The following GPRC6A variants were observed in gnomAD, a reference collection of about 807,000 sequenced individuals.
GPRC6A encodes the protein G protein-coupled receptor class C group 6 member A.
Under a neutral mutation model 47.0 loss-of-function variants are expected in GPRC6A, and 54 were observed. That is an observed-to-expected ratio of 1.15 (90% CI 0.92 to 1.44). The LOEUF is 1.44. Ranked by LOEUF, GPRC6A falls within the 40% of genes most tolerant of loss-of-function variation. The pLI is 0.00. For synonymous variants in GPRC6A, 347 were observed against 377.1 expected (o/e 0.92, Z 0.93); for missense variants, 1,112 against 1,105.5 (o/e 1.01, Z -0.08).
At chr6:116,813,136 A>G (rs1319365785) in intron 1 of GPRC6A, among the ~76,000 whole-genome samples, 2 of 152,246 alleles carry the variant, frequency 1.3e-5, no homozygotes, top group Non-Finnish European at 2.9e-5. Flanking sequence ...AGAATATTCC[A>G]TGCTCATGGA....
intron 3 of GPRC6A, among the ~76,000 whole-genome samples, chr6:116,804,429 T>C (rs1298548354): frequency 6.6e-6 from 1 of 152,124 alleles, no homozygotes; most frequent in Non-Finnish European, 1.5e-5. Flanking sequence ...AATGTATCAT[T>C]GACTAGGGAC....
chr6:116,818,596 C>G (rs1367253142), intron 1 of GPRC6A, among the ~76,000 whole-genome samples: 2 of 131,010 alleles, frequency 1.5e-5, no homozygotes, highest in Admixed American at 1.6e-4. Flanking sequence ...AATTTCATAT[C>G]CAGCCAAACT....
At chr6:116,817,831 A>G (rs1017429186) in intron 1 of GPRC6A, among the ~76,000 whole-genome samples, 22 of 152,164 alleles carry the variant, frequency 1.4e-4, no homozygotes, top group Non-Finnish European at 2.6e-4. Flanking sequence ...AGGTTAGAGA[A>G]AAAAGAATAA....
At chr6:116,821,278 T>C (rs1359433304) in intron 1 of GPRC6A, among the ~76,000 whole-genome samples, 1 of 152,074 alleles carries the variant, frequency 6.6e-6, no homozygotes, top group Non-Finnish European at 1.5e-5. Context: ...AAAATGGCCA[T>C]ACTGCCCAAG....
chr6:116,823,121 TCTAACACA>T (rs1456429417), intron 1 of GPRC6A, among the ~76,000 whole-genome samples: 1 of 152,118 alleles, frequency 6.6e-6, no homozygotes, highest in Non-Finnish European at 1.5e-5. Context: ...TTTTGTTTTT[TCTAACACA>T]TGGCTGGGCT....
intron 1 of GPRC6A, among the ~76,000 whole-genome samples, chr6:116,818,631 A>T (rs1293450508): frequency 4.6e-5 from 7 of 150,808 alleles, no homozygotes; most frequent in Non-Finnish European, 8.9e-5. Context: ...AAGGAGAAAT[A>T]AAATACTTTA....
intron 1 of GPRC6A, among the ~76,000 whole-genome samples, chr6:116,826,380 T>C (rs972966294): frequency 6.6e-6 from 1 of 151,694 alleles, no homozygotes; most frequent in Non-Finnish European, 1.5e-5. Context: ...TCAAAGAACA[T>C]GAACAGATGA....
Position 116,805,362 on chromosome 6 carries a change from T to TA in GPRC6A, c.1335+1007dup, listed in dbSNP as rs140512359. The stretch of plus-strand genomic sequence containing the variant: ...ATATGGTAGTTTTGGGTGTTTAAAG[T>TA]AAAAAAAAAAATGACAAAAGTAGAA... On this transcript the variant is annotated intron_variant, in intron 3 of 5. Coordinates refer to ENST00000310357, the MANE Select transcript of GPRC6A (RefSeq NM_148963.4). Among the ~76,000 whole-genome samples the TA allele has an allele frequency of 7.9e-3, 1,155 of 145,922 alleles. 12 individuals are homozygous for TA. Among genetic ancestry groups the TA allele is most frequent in the Non-Finnish European group, 0.013 (824 of 65,756 alleles).
At position 116,793,165 on chromosome 6, in the gene GPRC6A, A is replaced by T. The variant is rs556347073; in HGVS notation, c.1758T>A (p.Tyr586Ter). 31 of 1,613,356 alleles carry T rather than the reference A, an allele frequency of 1.9e-5. No individual in the cohort carries two copies. The Admixed American group carries it at 4.8e-4, about 25-fold the overall frequency. ...STMCFEKEVE[Y>*]LNWNDSLAIL... ...TGGCCAAGGAGTCATTCCAGTTGAG[A>T]TATTCCACTTCCTTTTCAAAGCACA... Residue 586 changes from tyrosine (Y) to a stop codon, truncating the protein, a stop_gained, in exon 6 of 6, where the codon TAT (tyrosine) becomes TAA (stop). Coordinates refer to ENST00000310357, the MANE Select transcript of GPRC6A (RefSeq NM_148963.4). LOFTEE classifies it low-confidence loss of function (END_TRUNC).
rs779563383 is a variant in GPRC6A, at chr6:116,809,446, G to A, written c.366C>T (p.Cys122=). 8.1e-6 allele frequency: 13 copies of A among 1,613,626 alleles called. No homozygotes were observed. The highest frequency in any genetic ancestry group is 2.7e-5 in the African/African-American group (2 of 74,892). ...ACTTAAACTCCACAGTTTCTCTGGA[G>A]CAGTTGAATTTAGAAAGAAACCTCA... ...ATLRFLSKFN[C]SRETVEFKCD... Residue 122 remains cysteine, a synonymous_variant, in exon 2 of 6, where the codon TGC becomes TGT. Transcript: ENST00000310357.
intron 3 of GPRC6A, 97 bp from the exon 4 acceptor site, chr6:116,800,893 A>C (rs1772655422): frequency 4.3e-6 from 3 of 704,864 alleles, no homozygotes; most frequent in Non-Finnish European, 7.1e-6. Flanking sequence ...CATATCACTT[A>C]AAAATGAGGG....
At chr6:116,817,297 C>T (rs1317256527) in intron 1 of GPRC6A, among the ~76,000 whole-genome samples, 3 of 151,958 alleles carry the variant, frequency 2.0e-5, no homozygotes, top group East Asian at 1.9e-4. Context: ...CACACGGCAG[C>T]GTATTCCAAC....
In GPRC6A at chr6:116,793,277, A is replaced by C. The variant is rs1772379134; in HGVS notation, c.1673-27T>G. 6 of 1,505,360 alleles carry C rather than the reference A, an allele frequency of 4.0e-6. No homozygotes were observed. In the South Asian group the frequency reaches 5.3e-5, roughly 13 times the overall value. The allele number at this position is 1,505,360 out of a possible 1,614,324, so 93.3% of individuals were successfully genotyped here. On this transcript the variant is annotated intron_variant, in intron 5 of 5. Coordinates refer to ENST00000310357, the MANE Select transcript of GPRC6A (RefSeq NM_148963.4). ...TAAAAGACAGAGGAGACGCAGTTAC[A>C]TTGTCAACATTTAAACTAGGTGATA...
At chr6:116,817,864 A>G (rs1773283956) in intron 1 of GPRC6A, among the ~76,000 whole-genome samples, 1 of 152,168 alleles carries the variant, frequency 6.6e-6, no homozygotes, top group Non-Finnish European at 1.5e-5. Flanking sequence ...AAAGCCTCCA[A>G]GAAATATGGG....
intron 4 of GPRC6A, 40 bp from the exon 5 acceptor site, chr6:116,795,875 TA>T (rs778265339): frequency 2.0e-5 from 27 of 1,362,316 alleles, no homozygotes; most frequent in African/African-American, 4.4e-5. Flanking sequence ...AGTAAATTTG[TA>T]AAAAAAATTA....
At chr6:116,823,319 AG>A (rs1241149972) in intron 1 of GPRC6A, among the ~76,000 whole-genome samples, 2 of 152,148 alleles carry the variant, frequency 1.3e-5, no homozygotes, top group East Asian at 3.9e-4. Context: ...TCAAGTTCAA[AG>A]TTCCACAGAT....
chr6:116,815,043 A>G (rs1410643781), intron 1 of GPRC6A, among the ~76,000 whole-genome samples: 1 of 152,216 alleles, frequency 6.6e-6, no homozygotes, highest in Non-Finnish European at 1.5e-5. Flanking sequence ...TAAAATTTAT[A>G]TGCAACCAAC....
chr6:116,818,943 G>C (rs1222408251), intron 1 of GPRC6A, among the ~76,000 whole-genome samples: 1 of 152,112 alleles, frequency 6.6e-6, no homozygotes, highest in South Asian at 2.1e-4. Context: ...ACTCATCAGT[G>C]TGCTGTATTC....
At chr6:116,807,907 T>C (rs1397315191) in intron 2 of GPRC6A, among the ~76,000 whole-genome samples, 1 of 152,148 alleles carries the variant, frequency 6.6e-6, no homozygotes, top group African/African-American at 2.4e-5. Context: ...GCCTGATTCA[T>C]AGCTTTGGTG....
Sources: gnomAD v4.1 joint callset for allele counts (sites outside exome capture counted in the v4.1 genomes callset) on GRCh38, gnomAD v4.1.1 for gene constraint, MANE v1.5 for transcripts, NCBI Gene and HGNC (gene_info 2026-07-23, HGNC 2026-07-21) for gene names.